The following VAX2 variants were observed in gnomAD, a reference collection of about 807,000 sequenced individuals.
The protein encoded by VAX2 is ventral anterior homeobox 2.
Under a neutral mutation model 12.5 loss-of-function variants are expected in VAX2, and 8 were observed. The ratio of observed to expected loss-of-function variants is 0.64; its 90% CI spans 0.37 to 1.15. The LOEUF (loss-of-function observed/expected upper bound fraction) is 1.15. Ranked by LOEUF, VAX2 falls within the 50% of genes most tolerant of loss-of-function variation. The pLI is 0.01. For synonymous variants in VAX2, 183 were observed against 187.6 expected, an observed-to-expected ratio of 0.98 and a Z score of 0.20; for missense variants, 476 against 412.9, an observed-to-expected ratio of 1.15 and a Z score of -1.32.
Position 70,933,342 on chromosome 2 carries a change from A to G in VAX2, c.*138A>G, listed in dbSNP as rs2104791680. The G allele has an allele frequency of 3.5e-6, 3 of 848,730 alleles. No homozygotes were observed. Among genetic ancestry groups the G allele is most frequent in the Non-Finnish European group, 4.9e-6 (3 of 606,488 alleles). 52.6% of individuals were successfully genotyped at this position (848,730 alleles called of 1,614,324 possible). ...TCCCCACCTGCCCCCCAGCTCAGAG[A>G]CTCGTGACCAAATGGCCTTGGTCCC... On this transcript the variant is annotated 3_prime_UTR_variant, in exon 3 of 3. Coordinates refer to ENST00000234392, the MANE Select transcript of VAX2 (RefSeq NM_012476.3).
intron 2 of VAX2, among the ~76,000 whole-genome samples, chr2:70,931,493 C>G (rs774594053): frequency 6.6e-6 from 1 of 152,232 alleles, no homozygotes; most frequent in Admixed American, 6.5e-5. Context: ...GGCAGCGTGG[C>G]GGCCAGCATG....
chr2:70,914,551 G>A (rs979859425), intron 1 of VAX2, among the ~76,000 whole-genome samples: 21 of 151,924 alleles, frequency 1.4e-4, no homozygotes, highest in South Asian at 8.3e-4. Flanking sequence ...TATTAATAGC[G>A]TATAGGAGTG....
At position 70,900,591 on chromosome 2, in the gene VAX2, C is replaced by A; in HGVS notation, c.-31C>A. 8.1e-7 allele frequency: 1 copy of A among 1,238,948 alleles called. No homozygotes were observed. Among genetic ancestry groups the A allele is most frequent in the Non-Finnish European group, 1.0e-6 (1 of 991,650 alleles). The allele number at this position is 1,238,948 out of a possible 1,614,324, so 76.7% of individuals were successfully genotyped here. The stretch of plus-strand genomic sequence containing the variant: ...GCTCCCGGCCAGCGTAGGCTGGCTC[C>A]GCCGTAGAGGGGTTGGCAGTGGCGG... On this transcript the variant is annotated 5_prime_UTR_variant, in exon 1 of 3. Coordinates refer to ENST00000234392, the MANE Select transcript of VAX2 (RefSeq NM_012476.3).
rs1459948126 is a variant in VAX2 at position 70,904,068 on chromosome 2, G to A, written c.247+3200G>A. Among the ~76,000 whole-genome samples, 1 of 152,164 alleles carries A rather than the reference G, an allele frequency of 6.6e-6. No individual in the cohort carries two copies. Among genetic ancestry groups the A allele is most frequent in the Non-Finnish European group, 1.5e-5 (1 of 68,032 alleles). On this transcript the variant is annotated intron_variant, in intron 1 of 2. Transcript: ENST00000234392. This position sits in a 1 kb window ranked among gnomAD's most constrained non-coding sequence, Gnocchi z 4.2. ...ACGGACCAGAGCTGCTGAGATGATA[G>A]GCCGGGCGCATAACAGGCACCCCGC...
At chr2:70,916,374 T>A (rs1462500930) in intron 1 of VAX2, among the ~76,000 whole-genome samples, 1 of 152,126 alleles carries the variant, frequency 6.6e-6, no homozygotes, top group Non-Finnish European at 1.5e-5. Context: ...TTCCTCAGAT[T>A]TCACCTGTTT....
chr2:70,921,113 T>C lies in VAX2; in HGVS notation c.263T>C (p.Ile88Thr). ...GCCTCTGCAGATGCCAAAGGGACAA[T>C]TCGGGAAATTGTCCTGCCTAAGGGC... ...RILVRDAKGTIREIVLPKGLD... is the reference protein window; with the variant it reads ...RILVRDAKGTTREIVLPKGLD... Residue 88 changes from isoleucine to threonine, a missense_variant, in exon 2 of 3, where the codon ATT (isoleucine) becomes ACT (threonine). Coordinates refer to ENST00000234392, the MANE Select transcript of VAX2 (RefSeq NM_012476.3). 6.2e-7 allele frequency: 1 copy of C among 1,602,462 alleles called. No homozygotes were observed. Among genetic ancestry groups the C allele is most frequent in the Non-Finnish European group, 8.5e-7 (1 of 1,174,460 alleles).
intron 1 of VAX2, among the ~76,000 whole-genome samples, chr2:70,919,896 G>T (rs1227257218): frequency 6.6e-6 from 1 of 152,174 alleles, no homozygotes; most frequent in Admixed American, 6.5e-5. Context: ...TAAGTGCTTA[G>T]AACAGTGACT....
At chr2:70,916,522 G>C (rs782469976) in intron 1 of VAX2, among the ~76,000 whole-genome samples, 2 of 152,104 alleles carry the variant, frequency 1.3e-5, no homozygotes, top group Non-Finnish European at 2.9e-5. Flanking sequence ...ACTACTCATT[G>C]ATGGCCAGGT....
chr2:70,926,371 C>G (rs1406985815), intron 2 of VAX2, among the ~76,000 whole-genome samples: 1 of 152,186 alleles, frequency 6.6e-6, no homozygotes, highest in Non-Finnish European at 1.5e-5. Flanking sequence ...ACCCTCTGCC[C>G]ACCTTTGTCA....
chr2:70,901,417 C>A lies in VAX2; in HGVS notation c.247+549C>A, dbSNP rs578008204. ...GGGACGCGGAGGGTGGCGTGCGCGG[C>A]GCTAGCCCGCTGTGCTTCACTCTCT... is the stretch of plus-strand genomic sequence containing the variant. On this transcript the variant is annotated intron_variant, in intron 1 of 2. Coordinates refer to ENST00000234392, the MANE Select transcript of VAX2 (RefSeq NM_012476.3). Among the ~76,000 whole-genome samples, 9 of 152,352 alleles carry A rather than the reference C, an allele frequency of 5.9e-5. No individual in the cohort carries two copies. The South Asian group carries it at 1.4e-3, about 25-fold the overall frequency.
Position 70,921,156 on chromosome 2 carries a change from C to T in VAX2, c.306C>T (p.Pro102=). ...CTAAGGGCCTGGACCTGGACCGGCC[C>T]AAGCGGACACGTACATCCTTCACTG... The part of the protein sequence containing the change: ...VLPKGLDLDR[P]KRTRTSFTAE... The change falls in exon 2 of 3, where the codon CCC becomes CCT. Residue 102 remains proline, a synonymous_variant. Transcript: ENST00000234392. The T allele has an allele frequency of 3.1e-6, 5 of 1,613,426 alleles. No individual in the cohort carries two copies. The highest frequency in any genetic ancestry group is 1.3e-5 in the African/African-American group (1 of 75,024).
chr2:70,900,941 C>T, intron 1 of VAX2, 73 bp downstream of exon 1: 9 of 1,233,328 alleles, frequency 7.3e-6, no homozygotes, highest in Non-Finnish European at 9.3e-6. Flanking sequence ...GACCTAGCTG[C>T]AGCTGACACC....
At chr2:70,924,459 G>C (rs1679525538) in intron 2 of VAX2, 1 of 152,104 alleles carries the variant, frequency 6.6e-6, no homozygotes, top group Non-Finnish European at 1.5e-5. Context: ...GCCTTCCAAA[G>C]TGCTGGGATT....
chr2:70,915,203 A>G (rs1319128249), intron 1 of VAX2, among the ~76,000 whole-genome samples: 2 of 151,854 alleles, frequency 1.3e-5, no homozygotes, highest in Non-Finnish European at 2.9e-5. Context: ...ATATAGTCAA[A>G]TACATCCTTT....
chr2:70,917,595 C>G (rs541035776), intron 1 of VAX2, among the ~76,000 whole-genome samples: 1 of 152,166 alleles, frequency 6.6e-6, no homozygotes, highest in South Asian at 2.1e-4. Context: ...TTGCCTTTCC[C>G]TGATGGCCAG....
intron 1 of VAX2, among the ~76,000 whole-genome samples, chr2:70,905,571 C>G (rs997867986): frequency 2.0e-5 from 3 of 152,064 alleles, no homozygotes; most frequent in African/African-American, 7.2e-5. Flanking sequence ...TTTCAGGGAA[C>G]GGTTCAGGAA....
intron 1 of VAX2, among the ~76,000 whole-genome samples, chr2:70,918,310 G>C (rs1171122217): frequency 1.3e-5 from 2 of 152,222 alleles, no homozygotes; most frequent in African/African-American, 4.8e-5. Flanking sequence ...AGGAGCCAGA[G>C]CATACCCTGG....
At chr2:70,909,294 T>C (rs1325167431) in intron 1 of VAX2, among the ~76,000 whole-genome samples, 1 of 151,768 alleles carries the variant, frequency 6.6e-6, no homozygotes, top group Admixed American at 6.6e-5. Context: ...GCCTCTGGAG[T>C]AACTGAGACT....
intron 2 of VAX2, among the ~76,000 whole-genome samples, chr2:70,930,567 T>C (rs1388223361): frequency 1.3e-5 from 2 of 152,194 alleles, no homozygotes; most frequent in African/African-American, 4.8e-5. Flanking sequence ...TTTAAAAGAC[T>C]GGACATCTTC....
Sources: gnomAD v4.1 joint callset for allele counts (sites outside exome capture counted in the v4.1 genomes callset) on GRCh38, gnomAD v4.1.1 for gene constraint, Gnocchi (gnomAD v3.1) non-coding constraint, MANE v1.5 for transcripts, NCBI Gene and HGNC (gene_info 2026-07-23, HGNC 2026-07-21) for gene names.